Variants in ALPI observed in about 807,000 individuals in gnomAD.
ALPI encodes the protein alkaline phosphatase, intestinal.
A neutral mutation model predicts 51.5 loss-of-function variants in ALPI; 50 were observed. The observed-to-expected ratio is 0.97, with a 90% confidence interval of 0.77 to 1.23. The LOEUF is 1.23. Among genes scored for constraint, ALPI ranks in the 50% most tolerant of loss-of-function variants. The pLI is 0.00. For missense variants in ALPI, 692 were observed against 722.4 expected (o/e 0.96, Z 0.48); for synonymous variants, 322 against 308.2 (o/e 1.04, Z -0.47).
chr2:232,456,867 C>G lies in ALPI; in HGVS notation c.301-32C>G. ...TTGGTTGGGGTCTGGGTGTCCGCCCCGAAGTAGAGCTCAGGGTGTCTCCGT... is the reference window on the plus strand; with the variant it reads ...TTGGTTGGGGTCTGGGTGTCCGCCCGGAAGTAGAGCTCAGGGTGTCTCCGT... On this transcript the variant is annotated intron_variant, in intron 3 of 10. Transcript: ENST00000295463. This position sits in a 1 kb window ranked among gnomAD's most constrained non-coding sequence, Gnocchi z 4.2. The G allele has an allele frequency of 6.2e-7, 1 of 1,611,182 alleles. No individual in the cohort carries two copies. The highest frequency in any genetic ancestry group is 1.1e-5 in the South Asian group (1 of 90,966).
chr2:232,458,155 T>A, intron 8 of ALPI, 23 bp downstream of exon 8: 1 of 1,612,890 alleles, frequency 6.2e-7, no homozygotes. Flanking sequence ...CCCTGGGGAG[T>A]GGAGGAAGGC....
At position 232,459,225 on chromosome 2, in the gene ALPI, C is replaced by T. The variant is rs1485500795; in HGVS notation, c.*79C>T. 3 of 1,465,934 alleles carry T rather than the reference C, an allele frequency of 2.0e-6. No homozygotes were observed. Among genetic ancestry groups the T allele is most frequent in the East Asian group, 2.5e-5 (1 of 40,394 alleles). 90.8% of individuals were successfully genotyped at this position (1,465,934 alleles called of 1,614,324 possible). ...CCCCGTCCTGAGCCGCCACTTCCAGCGAACACACACAGGTGTCCTGCCGTT... is the reference window on the plus strand; with the variant it reads ...CCCCGTCCTGAGCCGCCACTTCCAGTGAACACACACAGGTGTCCTGCCGTT... On this transcript the variant is annotated 3_prime_UTR_variant, in exon 11 of 11. Transcript: ENST00000295463.
chr2:232,459,078 C>A lies in ALPI; in HGVS notation c.1519C>A (p.Pro507Thr). The A allele has an allele frequency of 6.5e-7, 1 of 1,544,182 alleles. No individual in the cohort carries two copies. ...CGCCTGCACCACCGACGCCGCGCAC[C>A]CAGTTGCCGCGTCGCTGCCACTGCT... The part of the protein sequence containing the change: ...PPACTTDAAH[P>T]VAASLPLLAG... The change falls in exon 11 of 11, where the codon CCA becomes ACA. Residue 507 changes from proline (P) to threonine (T), a missense_variant. By Grantham distance (38) the Pro-to-Thr change is conservative. Transcript: ENST00000295463.
At position 232,456,475 on chromosome 2, in the gene ALPI, C is replaced by T. The variant is rs1033193145; in HGVS notation, c.184+10C>T. ...CTCTTCCTGGGCGATGGTGAGTGAG[C>T]AAGGCCTGTCCAGCCCCGTAGTCCT... On this transcript the variant is annotated intron_variant, in intron 2 of 10. Coordinates refer to ENST00000295463, the MANE Select transcript of ALPI (RefSeq NM_001631.5). This position sits in a 1 kb window ranked among gnomAD's most constrained non-coding sequence, Gnocchi z 4.2. The T allele has an allele frequency of 1.2e-6, 2 of 1,613,934 alleles. No homozygotes were observed. Among genetic ancestry groups the T allele is most frequent in the South Asian group, 1.1e-5 (1 of 91,074 alleles).
At position 232,456,681 on chromosome 2, in the gene ALPI, C is replaced by CTT. The variant is rs1559263595; in HGVS notation, c.287_288insTT (p.Ala97TrpfsTer36). The CTT allele has an allele frequency of 1.2e-6, 2 of 1,604,850 alleles. No homozygotes were observed. The highest frequency in any genetic ancestry group is 2.2e-5 in the South Asian group (2 of 89,632). On this transcript the variant is annotated frameshift_variant, in exon 3 of 11. Coordinates refer to ENST00000295463, the MANE Select transcript of ALPI (RefSeq NM_001631.5). LOFTEE classifies it high-confidence loss of function. The surrounding 1 kb of genome is among the most constrained non-coding windows in gnomAD (Gnocchi z 4.2). The stretch of plus-strand genomic sequence containing the variant: ...CCTGGCCATGGACCGCTTCCCATAC[C>CTT]TGGCTCTGTCCAAGGTAAGGGCTGG...
rs1690225932 is a variant in ALPI at position 232,457,852 on chromosome 2, G to C, written c.841G>C (p.Val281Leu). ...CATGCAGGCGTCCCTGGACCAGTCTGTGACCCATCTCATGGGTAATGACCC... is the reference window on the plus strand; with the variant it reads ...CATGCAGGCGTCCCTGGACCAGTCTCTGACCCATCTCATGGGTAATGACCC... ...ELMQASLDQSVTHLMGLFEPG... is the reference protein window; with the variant it reads ...ELMQASLDQSLTHLMGLFEPG... The change falls in exon 7 of 11, where the codon GTG (valine) becomes CTG (leucine). Residue 281 changes from valine to leucine, a missense_variant. Val to Leu is a conservative substitution (Grantham distance 32, BLOSUM62 1). Coordinates refer to ENST00000295463, the MANE Select transcript of ALPI (RefSeq NM_001631.5). This position sits in a 1 kb window ranked among gnomAD's most constrained non-coding sequence, Gnocchi z 4.7. The C allele has an allele frequency of 6.2e-7, 1 of 1,613,954 alleles. No individual in the cohort carries two copies. Among genetic ancestry groups the C allele is most frequent in the African/African-American group, 1.3e-5 (1 of 74,886 alleles).
rs758519310 is a variant in ALPI, at chr2:232,456,308, C to G, written c.68-41C>G. On this transcript the variant is annotated intron_variant, in intron 1 of 10. Transcript: ENST00000295463. This position sits in a 1 kb window ranked among gnomAD's most constrained non-coding sequence, Gnocchi z 4.2. ...AGCTGTTCCACACACAGGGCACCCCCTCAGCCAGGCTGACCTGATCTCTAC... is the reference window on the plus strand; with the variant it reads ...AGCTGTTCCACACACAGGGCACCCCGTCAGCCAGGCTGACCTGATCTCTAC... 1 of 1,614,148 alleles carries G rather than the reference C, an allele frequency of 6.2e-7. No individual in the cohort carries two copies.
chr2:232,456,981 C>A lies in ALPI; in HGVS notation c.383C>A (p.Thr128Asn). Residue 128 changes from threonine (T) to asparagine (N), a missense_variant, in exon 4 of 11, where the codon ACC (threonine) becomes AAC (asparagine). Physicochemically the swap from Thr to Asn is moderately conservative, Grantham distance 65 (BLOSUM62 0). Transcript: ENST00000295463. This position sits in a 1 kb window ranked among gnomAD's most constrained non-coding sequence, Gnocchi z 4.2. ...TGCGGGGTCAAGGCCAACTTCCAGA[C>A]CATCGGCTTGAGTGCAGCCGCCCGC... ...YLCGVKANFQ[T>N]IGLSAAARFN... 2 of 1,613,670 alleles carry A rather than the reference C, an allele frequency of 1.2e-6. No homozygotes were observed. Among genetic ancestry groups the A allele is most frequent in the Non-Finnish European group, 1.7e-6 (2 of 1,180,032 alleles).
chr2:232,458,500 C>G, intron 9 of ALPI, 92 bp downstream of exon 9: 1 of 1,531,312 alleles, frequency 6.5e-7, no homozygotes, highest in Non-Finnish European at 8.8e-7. Flanking sequence ...GTGTGCAATG[C>G]TGGCACCAGC....
At position 232,457,007 on chromosome 2, in the gene ALPI, T is replaced by C; in HGVS notation, c.409T>C (p.Phe137Leu). The C allele has an allele frequency of 6.2e-7, 1 of 1,613,614 alleles. No homozygotes were observed. The highest frequency in any genetic ancestry group is 2.2e-5 in the East Asian group (1 of 44,878). The stretch of plus-strand genomic sequence containing the variant: ...CATCGGCTTGAGTGCAGCCGCCCGC[T>C]TTAACCAGTGCAACACGACACGCGG... ...QTIGLSAAAR[F>L]NQCNTTRGNE... Residue 137 changes from phenylalanine (F) to leucine (L), a missense_variant, in exon 4 of 11, where the codon TTT (phenylalanine) becomes CTT (leucine). Coordinates refer to ENST00000295463, the MANE Select transcript of ALPI (RefSeq NM_001631.5). The surrounding 1 kb of genome is among the most constrained non-coding windows in gnomAD (Gnocchi z 4.7).
rs771097063 is a variant in ALPI, at chr2:232,458,993, G to T, written c.1434G>T (p.Ala478=). The T allele has an allele frequency of 5.1e-6, 8 of 1,577,944 alleles. No homozygotes were observed. In the Admixed American group the frequency reaches 5.5e-5, roughly 11 times the overall value. The change falls in exon 11 of 11, where the codon GCG becomes GCT. Residue 478 remains alanine, a synonymous_variant. Coordinates refer to ENST00000295463, the MANE Select transcript of ALPI (RefSeq NM_001631.5). The part of the protein sequence containing the change: ...VHGVQEQSFV[A]HVMAFAACLE... ...GTGTGCAGGAGCAGAGCTTCGTAGC[G>T]CATGTCATGGCCTTCGCTGCCTGTC...
chr2:232,458,171 G>A (rs780630467), intron 8 of ALPI, 39 bp downstream of exon 8: 13 of 1,613,458 alleles, frequency 8.1e-6, no homozygotes, highest in African/African-American at 4.0e-5. Context: ...AAGGCGGGGC[G>A]CGGCAGGGCA....
At chr2:232,458,499 G>A in intron 9 of ALPI, 91 bp downstream of exon 9, 2 of 1,532,234 alleles carry the variant, frequency 1.3e-6, no homozygotes, top group South Asian at 2.4e-5. Flanking sequence ...AGTGTGCAAT[G>A]CTGGCACCAG....
rs1451229621 is a variant in ALPI at position 232,458,413 on chromosome 2, G to T, written c.1183+5G>T. 3 of 1,610,594 alleles carry T rather than the reference G, an allele frequency of 1.9e-6. No individual in the cohort carries two copies. The highest frequency in any genetic ancestry group is 1.7e-6 in the Non-Finnish European group (2 of 1,177,812). ...TGCGAGGGAGCTCCATCTTCGGTAG[G>T]CCTGGGGAGAGTGGCAGGTGCTGCT... On this transcript the variant is annotated splice_donor_5th_base_variant and intron_variant, in intron 9 of 10. Transcript: ENST00000295463.
At position 232,456,590 on chromosome 2, in the gene ALPI, G is replaced by T; in HGVS notation, c.195G>T (p.Val65=). Residue 65 remains valine (V), a synonymous_variant, in exon 3 of 11, where the codon GTG becomes GTT. Transcript: ENST00000295463. The surrounding 1 kb of genome is among the most constrained non-coding windows in gnomAD (Gnocchi z 4.2). ...LILFLGDGLG[V]PTVTATRILK... is the part of the protein sequence containing the mutation. The stretch of plus-strand genomic sequence containing the variant: ...TTTCTGCTCCTTCAGGGTTGGGGGT[G>T]CCCACGGTGACAGCCACCAGGATCC... 6.2e-7 allele frequency: 1 copy of T among 1,612,776 alleles called. No homozygotes were observed. Among genetic ancestry groups the T allele is most frequent in the Non-Finnish European group, 8.5e-7 (1 of 1,179,364 alleles).
rs1445528675 is a variant in ALPI, at chr2:232,458,938, C to T, written c.1379C>T (p.Ala460Val). ...THGGEDVAVF[A>V]RGPQAHLVHG... ...GGAGGCGAAGACGTGGCGGTGTTTG[C>T]GCGCGGCCCGCAGGCGCACCTGGTG... is the stretch of plus-strand genomic sequence containing the variant. Residue 460 changes from alanine to valine, a missense_variant, in exon 11 of 11, where the codon GCG becomes GTG. By Grantham distance (64) the Ala-to-Val change is moderately conservative (BLOSUM62 0). Coordinates refer to ENST00000295463, the MANE Select transcript of ALPI (RefSeq NM_001631.5). 3 of 1,604,344 alleles carry T rather than the reference C, an allele frequency of 1.9e-6. No homozygotes were observed. The highest frequency in any genetic ancestry group is 4.5e-5 in the East Asian group (2 of 44,338).
In ALPI at chr2:232,456,606, AC is replaced by A. The variant is rs750645792; in HGVS notation, c.213del (p.Arg72GlyfsTer3). On this transcript the variant is annotated frameshift_variant, in exon 3 of 11. Transcript: ENST00000295463. LOFTEE classifies it high-confidence loss of function. The surrounding 1 kb of genome is among the most constrained non-coding windows in gnomAD (Gnocchi z 4.2). ...DGLGVPTVTATRILKGQKNGK... is the reference protein window; with the variant it reads ...DGLGVPTVTAXRILKGQKNGK... ...GTTGGGGGTGCCCACGGTGACAGCCACCAGGATCCTAAAGGGGCAGAAGAAT... is the reference window on the plus strand; with the variant it reads ...GTTGGGGGTGCCCACGGTGACAGCCACAGGATCCTAAAGGGGCAGAAGAAT... The A allele has an allele frequency of 6.2e-7, 1 of 1,613,290 alleles. No homozygotes were observed. Among genetic ancestry groups the A allele is most frequent in the East Asian group, 2.2e-5 (1 of 44,822 alleles).
Position 232,456,808 on chromosome 2 carries a change from G to A in ALPI, c.301-91G>A. The A allele has an allele frequency of 6.4e-7, 1 of 1,564,462 alleles. No individual in the cohort carries two copies. Among genetic ancestry groups the A allele is most frequent in the Non-Finnish European group, 8.7e-7 (1 of 1,152,542 alleles). On this transcript the variant is annotated intron_variant, in intron 3 of 10. Coordinates refer to ENST00000295463, the MANE Select transcript of ALPI (RefSeq NM_001631.5). This position sits in a 1 kb window ranked among gnomAD's most constrained non-coding sequence, Gnocchi z 4.2. ...CTGGGGCCTAAGTTAGGAGCTGGGA[G>A]CAGTTAGGATCCCAGAGGACCAGAA...
Position 232,458,199 on chromosome 2 carries a change from C to G in ALPI, c.992-18C>G, listed in dbSNP as rs562288246. 1.4e-5 allele frequency: 22 copies of G among 1,613,930 alleles called. No individual in the cohort carries two copies. The highest frequency in any genetic ancestry group is 5.0e-5 in the Admixed American group (3 of 60,018). ...GCAGGGCAGGTTCAAGCATCACCCC[C>G]CTCTGGCCTTCCTGCAGGCGGCCGC... On this transcript the variant is annotated intron_variant, in intron 8 of 10. Transcript: ENST00000295463.
Sources: allele counts gnomAD v4.1 joint callset, GRCh38; gene constraint gnomAD v4.1.1; non-coding constraint Gnocchi (gnomAD v3.1); transcripts MANE v1.5; gene names NCBI Gene and HGNC (gene_info 2026-07-23, HGNC 2026-07-21).